U2SURP: variants seen among roughly 807,000 people sequenced by gnomAD.
U2SURP encodes U2 snRNP associated SURP domain containing.
A neutral mutation model predicts 144.9 loss-of-function variants in U2SURP; 9 were observed. The observed-to-expected ratio is 0.06, with a 90% CI of 0.04 to 0.11. The LOEUF is 0.11. Ranked by LOEUF, U2SURP falls within the 10% of genes least tolerant of loss-of-function variation. The pLI, the probability that U2SURP is intolerant of heterozygous loss-of-function variation, is 1.00. For synonymous variants in U2SURP, 408 were observed against 396.8 expected, an observed-to-expected ratio of 1.03 and a Z score of -0.33; for missense variants, 724 against 1,226.7, an observed-to-expected ratio of 0.59 and a Z score of 6.12.
chr3:143,014,203 A>T (rs544654640), intron 3 of U2SURP, 108 bp from the exon 4 acceptor site: 52 of 575,224 alleles, frequency 9.0e-5, no homozygotes, highest in Middle Eastern at 5.3e-4. Context: ...AATGAAATTT[A>T]AAAAAAAACG....
chr3:143,026,646 TTAAA>T (rs1462135704), intron 13 of U2SURP: 1 of 152,168 alleles, frequency 6.6e-6, no homozygotes, highest in South Asian at 2.1e-4. Context: ...CTTAAACTTG[TTAAA>T]TAGTTTTGCA....
At chr3:143,034,593 T>C (rs1020703421) in intron 18 of U2SURP, 29 of 185,434 alleles carry the variant, frequency 1.6e-4, no homozygotes, top group Middle Eastern at 2.2e-3. Flanking sequence ...GTTTTCTGTT[T>C]TATAAAATAA....
At position 143,058,466 on chromosome 3, in the gene U2SURP, T is replaced by C. The variant is rs2108325699; in HGVS notation, c.*2016T>C. 1 of 151,994 alleles carries C rather than the reference T, an allele frequency of 6.6e-6. No individual in the cohort carries two copies. Among genetic ancestry groups the C allele is most frequent in the South Asian group, 2.1e-4 (1 of 4,820 alleles). The allele number at this position is 151,994 out of a possible 1,614,324, so 9.4% of individuals were successfully genotyped here. A position where few individuals can be genotyped will look rare whatever the true frequency, so the allele number is the denominator to read the frequency against. On this transcript the variant is annotated 3_prime_UTR_variant, in exon 28 of 28. Coordinates refer to ENST00000473835, the MANE Select transcript of U2SURP (RefSeq NM_001080415.2). ...ACAAGTGTCATGGTTTATCTTACAGTGGGTGAAACTGACTTTCTTTTGGTT... is the reference window on the plus strand; with the variant it reads ...ACAAGTGTCATGGTTTATCTTACAGCGGGTGAAACTGACTTTCTTTTGGTT...
intron 26 of U2SURP, 137 bp from the exon 27 acceptor site, chr3:143,054,806 G>C (rs1159881074): frequency 4.7e-6 from 4 of 846,438 alleles, no homozygotes; most frequent in Non-Finnish European, 6.8e-6. Flanking sequence ...AAAGGACTTT[G>C]AGTATTGTTA....
At position 143,048,238 on chromosome 3, in the gene U2SURP, T is replaced by G. The variant is rs951289861; in HGVS notation, c.2545-2701T>G. On this transcript the variant is annotated intron_variant, in intron 24 of 27. Transcript: ENST00000473835. ...CTTGATCATCTGTTTTCTGTGTGTC[T>G]TGGACTTGTGCTTGAGCCTCAGTTA... Among the ~76,000 whole-genome samples the G allele has an allele frequency of 1.2e-4, 19 of 152,342 alleles. No individual in the cohort carries two copies. In the East Asian group the frequency reaches 3.1e-3, roughly 25 times the overall value.
At chr3:143,051,184 A>C in intron 25 of U2SURP, 135 bp downstream of exon 25, 1 of 541,820 alleles carries the variant, frequency 1.8e-6, no homozygotes, top group South Asian at 2.6e-5. Flanking sequence ...GGCAATCAGA[A>C]ACATTTGAAA....
At chr3:143,030,594 C>G (rs6781887) in intron 16 of U2SURP, among the ~76,000 whole-genome samples, 102,671 of 152,128 alleles carry the variant, frequency 0.67, 34,858 homozygotes, top group African/African-American at 0.75. Flanking sequence ...TATCCATTCT[C>G]TATCCCATTG....
intron 1 of U2SURP, among the ~76,000 whole-genome samples, chr3:143,005,957 A>T (rs953961904): frequency 3.9e-5 from 6 of 152,242 alleles, no homozygotes; most frequent in Non-Finnish European, 8.8e-5. Flanking sequence ...AGGTGGTTTT[A>T]ACATTTTATT....
At chr3:143,004,628 C>T (rs531183606) in intron 1 of U2SURP, among the ~76,000 whole-genome samples, 1 of 147,422 alleles carries the variant, frequency 6.8e-6, no homozygotes, top group Non-Finnish European at 1.5e-5. Flanking sequence ...CGTGAGCCAC[C>T]GTGCCTGGCT....
At chr3:143,041,969 T>TATAC (rs1553845148) in intron 23 of U2SURP, among the ~76,000 whole-genome samples, 9 of 149,526 alleles carry the variant, frequency 6.0e-5, no homozygotes, top group African/African-American at 2.2e-4. Context: ...GCCAATAGTA[T>TATAC]ACACACACAC....
At position 143,015,890 on chromosome 3, in the gene U2SURP, A is replaced by G. The variant is rs191480931; in HGVS notation, c.322-367A>G. Reference sequence around the variant, plus strand: ...ACTCATGTTTTTGGTGATTTGAAAAATATTTATATTCACTGAATTAAATCA... The same window carrying G: ...ACTCATGTTTTTGGTGATTTGAAAAGTATTTATATTCACTGAATTAAATCA... On this transcript the variant is annotated intron_variant, in intron 4 of 27. Transcript: ENST00000473835. Among the ~76,000 whole-genome samples, 150 of 152,244 alleles carry G rather than the reference A, an allele frequency of 9.9e-4. 1 individual carries two copies. Among genetic ancestry groups the G allele is most frequent in the Middle Eastern group, 3.4e-3 (1 of 294 alleles).
chr3:143,006,527 G>GGGT (rs1935842256), intron 1 of U2SURP, among the ~76,000 whole-genome samples: 1 of 152,170 alleles, frequency 6.6e-6, no homozygotes, highest in East Asian at 1.9e-4. Flanking sequence ...AGGCCAAGGC[G>GGGT]GGTGGATCAC....
intron 1 of U2SURP, among the ~76,000 whole-genome samples, chr3:143,006,712 A>C (rs1259541205): frequency 1.3e-5 from 2 of 152,188 alleles, no homozygotes; most frequent in Admixed American, 1.3e-4. Flanking sequence ...ATTGCACTCC[A>C]GCCTGGGCAA....
rs771346677 is a variant in U2SURP, at chr3:143,001,625, C to G, written c.-4C>G. On this transcript the variant is annotated 5_prime_UTR_variant, in exon 1 of 28. Transcript: ENST00000473835. Reference sequence around the variant, plus strand: ...CCGCCGCCGAAGGAGGGGCAAAGCTCAAGATGGCGGACAAAACGCCAGGCG... The same window carrying G: ...CCGCCGCCGAAGGAGGGGCAAAGCTGAAGATGGCGGACAAAACGCCAGGCG... The G allele has an allele frequency of 3.1e-6, 5 of 1,613,812 alleles. No homozygotes were observed. The Admixed American group carries it at 5.0e-5, about 16-fold the overall frequency.
chr3:143,038,249 G>A lies in U2SURP; in HGVS notation c.2317+46G>A, dbSNP rs766839531. The A allele has an allele frequency of 2.2e-5, 30 of 1,360,144 alleles. 1 individual carries two copies. Among genetic ancestry groups the A allele is most frequent in the African/African-American group, 1.5e-4 (10 of 67,518 alleles). The allele number at this position is 1,360,144 out of a possible 1,614,324, so 84.3% of individuals were successfully genotyped here. ...TATTTTTTAAATTAAGTACTTGTAC[G>A]TTAATTATTGGTGTGCTTGTATATA... is the stretch of plus-strand genomic sequence containing the variant. On this transcript the variant is annotated intron_variant, in intron 22 of 27. Coordinates refer to ENST00000473835, the MANE Select transcript of U2SURP (RefSeq NM_001080415.2).
chr3:143,008,828 C>T lies in U2SURP; in HGVS notation c.46-1987C>T, dbSNP rs572197757. On this transcript the variant is annotated intron_variant, in intron 1 of 27. Coordinates refer to ENST00000473835, the MANE Select transcript of U2SURP (RefSeq NM_001080415.2). ...TCGCCTAGGCGGTAGTGCAGTGGCG[C>T]GATCTCAGCTCACTGCAAGCTCTGC... is the stretch of plus-strand genomic sequence containing the variant. Among the ~76,000 whole-genome samples, 17 of 152,330 alleles carry T rather than the reference C, an allele frequency of 1.1e-4. No homozygotes were observed. The South Asian group carries it at 3.5e-3, about 32-fold the overall frequency.
intron 20 of U2SURP, 114 bp from the exon 21 acceptor site, chr3:143,037,065 C>T: frequency 1.0e-6 from 1 of 970,592 alleles, no homozygotes; most frequent in Non-Finnish European, 1.5e-6. Context: ...TACATTGTAC[C>T]TCAGATTGTG....
At chr3:143,038,582 A>G (rs1231143261) in intron 22 of U2SURP, among the ~76,000 whole-genome samples, 2 of 151,992 alleles carry the variant, frequency 1.3e-5, no homozygotes, top group African/African-American at 4.8e-5. Flanking sequence ...TGTCTTTCAC[A>G]CTTACTTAGA....
chr3:143,032,457 A>G (rs1204851719), intron 16 of U2SURP, among the ~76,000 whole-genome samples: 1 of 152,228 alleles, frequency 6.6e-6, no homozygotes, highest in Non-Finnish European at 1.5e-5. Context: ...GAAGGGGAGT[A>G]AAGAACATGA....
Sources: allele counts gnomAD v4.1 joint callset (sites outside exome capture counted in the v4.1 genomes callset), GRCh38; gene constraint gnomAD v4.1.1; transcripts MANE v1.5; gene names NCBI Gene and HGNC (gene_info 2026-07-23, HGNC 2026-07-21).